Variants in SSBP2 observed in about 807,000 individuals in gnomAD.
SSBP2 encodes the protein single stranded DNA binding protein 2.
SSBP2 carries 17 observed loss-of-function variants against 61.8 expected under a neutral mutation model. The observed-to-expected ratio is 0.28, with a 90% CI of 0.19 to 0.41. The LOEUF is 0.41. Among genes scored for constraint, SSBP2 ranks in the 10% least tolerant of loss-of-function variants. The pLI, the probability that SSBP2 is intolerant of heterozygous loss-of-function variation, is 1.00. For missense variants in SSBP2, 310 were observed against 458.7 expected (o/e 0.68, Z 2.96); for synonymous variants, 139 against 141.3 (o/e 0.98, Z 0.12).
At chr5:81,597,843 A>C (rs1221605273) in intron 4 of SSBP2, among the ~76,000 whole-genome samples, 1 of 121,040 alleles carries the variant, frequency 8.3e-6, no homozygotes, top group Non-Finnish European at 1.6e-5. Flanking sequence ...GAACATCACA[A>C]ACCAGGGACT....
chr5:81,457,100 C>A (rs143355583), intron 10 of SSBP2, among the ~76,000 whole-genome samples: 1,960 of 152,224 alleles, frequency 0.013, 21 homozygotes, highest in Middle Eastern at 0.031. Context: ...AATACCAATA[C>A]CCAGTTAAAG....
chr5:81,505,214 T>C (rs1580862869), intron 5 of SSBP2, among the ~76,000 whole-genome samples: 2 of 150,920 alleles, frequency 1.3e-5, no homozygotes, highest in East Asian at 3.9e-4. Context: ...ATAATGTCTA[T>C]GGTTGCTTTT....
chr5:81,495,549 T>G (rs559820380), intron 5 of SSBP2, among the ~76,000 whole-genome samples: 1 of 152,326 alleles, frequency 6.6e-6, no homozygotes, highest in African/African-American at 2.4e-5. Context: ...CATCAGCACT[T>G]TATTTATACC....
intron 4 of SSBP2, among the ~76,000 whole-genome samples, chr5:81,524,217 T>C (rs112658221): frequency 7.5e-4 from 114 of 152,178 alleles, no homozygotes; most frequent in African/African-American, 2.6e-3. Context: ...TTCTAAATCC[T>C]GTAAGCCTGT....
rs540700424 is a variant in SSBP2 at position 81,559,426 on chromosome 5, A to G, written c.283-45709T>C. 1.5e-3 allele frequency among the ~76,000 whole-genome samples: 234 copies of G among 151,190 alleles called. 1 individual carries two copies. Among genetic ancestry groups the G allele is most frequent in the African/African-American group, 5.4e-3 (223 of 41,260 alleles). On this transcript the variant is annotated intron_variant, in intron 4 of 16. Transcript: ENST00000320672. ...AAAAATTAGCTGGGCATGGTGGCAC[A>G]TGCCTGTAGTCCCAGCTATTTGGGA...
Position 81,420,390 on chromosome 5 carries a change from G to T in SSBP2, c.*114C>A. 2 of 1,049,128 alleles carry T rather than the reference G, an allele frequency of 1.9e-6. No individual in the cohort carries two copies. Among genetic ancestry groups the T allele is most frequent in the Non-Finnish European group, 2.9e-6 (2 of 684,096 alleles). 65.0% of individuals were successfully genotyped at this position (1,049,128 alleles called of 1,614,324 possible). On this transcript the variant is annotated 3_prime_UTR_variant, in exon 17 of 17. Transcript: ENST00000320672. ...GAGCAGGAAATAAAAAGGTTGGTTT[G>T]GTGTGACTGAGATTCCTTTGTTTAA... is the stretch of plus-strand genomic sequence containing the variant.
At chr5:81,740,864 A>C (rs945988265) in intron 1 of SSBP2, among the ~76,000 whole-genome samples, 2 of 152,148 alleles carry the variant, frequency 1.3e-5, no homozygotes, top group African/African-American at 2.4e-5. Flanking sequence ...GGTACCTATA[A>C]TACTATCCAC....
At chr5:81,583,527 G>A (rs994221047) in intron 4 of SSBP2, among the ~76,000 whole-genome samples, 2 of 151,806 alleles carry the variant, frequency 1.3e-5, no homozygotes, top group African/African-American at 2.4e-5. Flanking sequence ...CTACTGGAGA[G>A]GCTGAGGCAG....
rs1160080305 is a variant in SSBP2 at position 81,445,138 on chromosome 5, TTA to T, written c.778+1728_778+1729del. ...TGTCTCAGCAAAGAAAAAAAAAATT[TTA>T]TATATATATATATATATATATATAT... On this transcript the variant is annotated intron_variant, in intron 12 of 16. Transcript: ENST00000320672. Among the ~76,000 whole-genome samples, 4 of 33,888 alleles carry T rather than the reference TTA, an allele frequency of 1.2e-4. No homozygotes were observed. In the East Asian group the frequency reaches 5.3e-3, roughly 45 times the overall value. The allele number at this position is 33,888 out of a possible 152,430, so 22.2% of individuals were successfully genotyped here.
chr5:81,460,286 T>C (rs1188471778), intron 10 of SSBP2, among the ~76,000 whole-genome samples: 2 of 152,222 alleles, frequency 1.3e-5, no homozygotes, highest in Admixed American at 6.5e-5. Flanking sequence ...CTACTGACTC[T>C]CTTGACCCGG....
chr5:81,570,327 T>C (rs905028737), intron 4 of SSBP2, among the ~76,000 whole-genome samples: 2 of 152,232 alleles, frequency 1.3e-5, no homozygotes, highest in South Asian at 4.1e-4. Context: ...TAATACTTTC[T>C]GGTTCATTAG....
intron 5 of SSBP2, among the ~76,000 whole-genome samples, chr5:81,504,744 T>G (rs1411985186): frequency 1.3e-5 from 2 of 152,172 alleles, no homozygotes; most frequent in African/African-American, 4.8e-5. Context: ...CAGTTTCCCT[T>G]AGTAGACTAA....
At chr5:81,444,846 G>T (rs1175347638) in intron 12 of SSBP2, among the ~76,000 whole-genome samples, 2 of 151,786 alleles carry the variant, frequency 1.3e-5, no homozygotes, top group African/African-American at 4.8e-5. Flanking sequence ...TTTATGGCCA[G>T]GCGAGGTGGC....
At chr5:81,424,467 AAAAG>A (rs1403529690) in intron 16 of SSBP2, among the ~76,000 whole-genome samples, 2 of 152,062 alleles carry the variant, frequency 1.3e-5, no homozygotes, top group Non-Finnish European at 2.9e-5. Context: ...AAAGAAAAGA[AAAAG>A]GAGCAACCAT....
At chr5:81,680,569 G>A (rs1752310549) in intron 1 of SSBP2, among the ~76,000 whole-genome samples, 1 of 151,938 alleles carries the variant, frequency 6.6e-6, no homozygotes, top group Non-Finnish European at 1.5e-5. Flanking sequence ...AATGGATGGA[G>A]AAAGATATAC....
At chr5:81,493,130 G>A (rs965359124) in intron 5 of SSBP2, among the ~76,000 whole-genome samples, 10 of 151,554 alleles carry the variant, frequency 6.6e-5, no homozygotes, top group Admixed American at 6.6e-4. Context: ...TCAATTAGGA[G>A]AATAAAAAAG....
intron 12 of SSBP2, among the ~76,000 whole-genome samples, chr5:81,443,906 TG>T (rs1218470216): frequency 6.6e-6 from 1 of 152,238 alleles, no homozygotes; most frequent in Non-Finnish European, 1.5e-5. Flanking sequence ...ATTTTTGTAC[TG>T]ATTTGAGACA....
chr5:81,663,817 A>G (rs1167257267), intron 1 of SSBP2, among the ~76,000 whole-genome samples: 1 of 152,190 alleles, frequency 6.6e-6, no homozygotes, highest in East Asian at 1.9e-4. Context: ...TAGCCATTTA[A>G]TATGGGAAAA....
intron 1 of SSBP2, among the ~76,000 whole-genome samples, chr5:81,742,952 TC>T (rs1469522426): frequency 1.3e-5 from 2 of 152,118 alleles, no homozygotes; most frequent in Non-Finnish European, 2.9e-5. Context: ...TATGAGAGTA[TC>T]CAATCCAATC....
Sources: gnomAD v4.1 joint callset for allele counts (sites outside exome capture counted in the v4.1 genomes callset) on GRCh38, gnomAD v4.1.1 for gene constraint, MANE v1.5 for transcripts, NCBI Gene and HGNC (gene_info 2026-07-23, HGNC 2026-07-21) for gene names.